Variants in AKAP13 observed in about 807,000 individuals in gnomAD.
AKAP13 encodes the protein A-kinase anchoring protein 13, also known as A-kinase anchor protein 13.
Under a neutral mutation model 264.5 loss-of-function variants are expected in AKAP13, and 80 were observed. That is an observed-to-expected ratio of 0.30 (90% CI 0.25 to 0.36). AKAP13 has a LOEUF of 0.36. Ranked by LOEUF, AKAP13 falls within the 10% of genes least tolerant of loss-of-function variation. AKAP13 has a pLI of 1.00. For synonymous variants in AKAP13, 1,380 were observed against 1,250.2 expected (o/e 1.10, Z -2.19); for missense variants, 3,712 against 3,435.2 (o/e 1.08, Z -2.01).
intron 15 of AKAP13, 124 bp from the exon 16 acceptor site, chr15:85,684,617 C>G: frequency 1.0e-6 from 1 of 992,352 alleles, no homozygotes; most frequent in Non-Finnish European, 1.4e-6. Context: ...ATAACAGAAC[C>G]TGGGCGTTGT....
chr15:85,660,578 G>T lies in AKAP13; in HGVS notation c.4799+1988G>T, dbSNP rs889913645. 2.6e-5 allele frequency among the ~76,000 whole-genome samples: 4 copies of T among 152,238 alleles called. No homozygotes were observed. In the South Asian group the frequency reaches 8.3e-4, roughly 32 times the overall value. ...GCCACATTCTGTTTCTAAAAAAGAA[G>T]TTGGATATTTAGGTAAAAATATGCC... On this transcript the variant is annotated intron_variant, in intron 12 of 36. Coordinates refer to ENST00000394518, the MANE Select transcript of AKAP13 (RefSeq NM_007200.5).
At chr15:85,546,736 CTTT>C (rs575680934) in intron 5 of AKAP13, among the ~76,000 whole-genome samples, 1 of 141,106 alleles carries the variant, frequency 7.1e-6, no homozygotes, top group Non-Finnish European at 1.6e-5. Flanking sequence ...TGCTATCTTT[CTTT>C]TTTTTTTTTT....
chr15:85,522,466 G>A (rs1170525556), intron 3 of AKAP13, among the ~76,000 whole-genome samples: 7 of 152,076 alleles, frequency 4.6e-5, no homozygotes, highest in African/African-American at 7.2e-5. Context: ...TGGTGGAGAG[G>A]GATGTACCTG....
At chr15:85,440,974 T>TA (rs775330449) in intron 1 of AKAP13, among the ~76,000 whole-genome samples, 4 of 152,136 alleles carry the variant, frequency 2.6e-5, no homozygotes, top group Non-Finnish European at 5.9e-5. Flanking sequence ...AGAGAAACTC[T>TA]AAAAAAACAA....
At chr15:85,679,928 G>A (rs1319889997) in intron 14 of AKAP13, among the ~76,000 whole-genome samples, 4 of 152,094 alleles carry the variant, frequency 2.6e-5, no homozygotes, top group African/African-American at 9.7e-5. Context: ...AGGCATTGGT[G>A]GATTAATTAC....
At chr15:85,589,117 T>C (rs1001288097) in intron 8 of AKAP13, among the ~76,000 whole-genome samples, 7 of 152,206 alleles carry the variant, frequency 4.6e-5, no homozygotes, top group African/African-American at 1.7e-4. Context: ...ACTTGCCTTA[T>C]TTGCTGTGAG....
chr15:85,607,503 G>T lies in AKAP13; in HGVS notation c.4161+21680G>T, dbSNP rs187642093. Among the ~76,000 whole-genome samples the T allele has an allele frequency of 5.5e-3, 829 of 151,372 alleles. 5 individuals carry two copies. The highest frequency in any genetic ancestry group is 9.0e-3 in the Non-Finnish European group (611 of 67,826). On this transcript the variant is annotated intron_variant, in intron 8 of 36. Transcript: ENST00000394518. ...TTGCCTTTATTTTTATCCCCATTTTGTAGGTGAGAAACTGAGGAACAGAAA... is the reference window on the plus strand; with the variant it reads ...TTGCCTTTATTTTTATCCCCATTTTTTAGGTGAGAAACTGAGGAACAGAAA...
intron 13 of AKAP13, among the ~76,000 whole-genome samples, chr15:85,667,940 G>T (rs1301124166): frequency 4.6e-5 from 7 of 152,148 alleles, no homozygotes; most frequent in Non-Finnish European, 1.0e-4. Context: ...TTTCTGAAGT[G>T]GACTTTCTGA....
intron 1 of AKAP13, among the ~76,000 whole-genome samples, chr15:85,413,372 T>C (rs2072076711): frequency 6.6e-6 from 1 of 152,230 alleles, no homozygotes; most frequent in Admixed American, 6.5e-5. Flanking sequence ...GGAGAGATTT[T>C]TCAGGATGGC....
In AKAP13 at chr15:85,743,703, C is replaced by T. The variant is rs1402734996; in HGVS notation, c.8270C>T (p.Pro2757Leu). 9 of 1,613,988 alleles carry T rather than the reference C, an allele frequency of 5.6e-6. 1 individual carries two copies. Among genetic ancestry groups the T allele is most frequent in the African/African-American group, 1.3e-5 (1 of 74,888 alleles). Residue 2757 changes from proline (P) to leucine (L), a missense_variant, in exon 36 of 37, where the codon CCA (proline) becomes CTA (leucine). Physicochemically the swap from Pro to Leu is moderately conservative, Grantham distance 98. Transcript: ENST00000394518. The stretch of plus-strand genomic sequence containing the variant: ...TCAACCAGCCAGACAAACAAAGGAC[C>T]AGAAGGGCAGAGCCAGGCCCCTGCG... ...LSSTSQTNKGPEGQSQAPAST... is the reference protein window; with the variant it reads ...LSSTSQTNKGLEGQSQAPAST...
intron 5 of AKAP13, among the ~76,000 whole-genome samples, chr15:85,568,093 G>C (rs757512210): frequency 6.6e-6 from 1 of 151,962 alleles, no homozygotes; most frequent in African/African-American, 2.4e-5. Flanking sequence ...TTAAGTCCAG[G>C]AGTTCACGAC....
intron 1 of AKAP13, among the ~76,000 whole-genome samples, chr15:85,479,866 G>T (rs867787765): frequency 5.9e-5 from 9 of 152,124 alleles, no homozygotes; most frequent in African/African-American, 2.2e-4. Context: ...TGATGTTAAT[G>T]TACATCTGGA....
chr15:85,429,158 C>T (rs1385266340), intron 1 of AKAP13, among the ~76,000 whole-genome samples: 1 of 152,214 alleles, frequency 6.6e-6, no homozygotes, highest in Non-Finnish European at 1.5e-5. Flanking sequence ...CTAACTACTA[C>T]CATTTTTCTA....
intron 8 of AKAP13, chr15:85,620,220 T>G: frequency 1.3e-6 from 2 of 1,524,224 alleles, no homozygotes; most frequent in Non-Finnish European, 1.8e-6. Flanking sequence ...CAGGCTGTTT[T>G]AGCGCTTTGA....
intron 1 of AKAP13, among the ~76,000 whole-genome samples, chr15:85,397,540 G>A (rs7164911): frequency 0.52 from 79,159 of 151,932 alleles, 21,166 homozygotes; most frequent in African/African-American, 0.59. Context: ...TGAAATCTGC[G>A]GGGACAAGTT....
intron 35 of AKAP13, 148 bp from the exon 36 acceptor site, chr15:85,743,344 C>A (rs2089197563): frequency 9.5e-6 from 7 of 738,142 alleles, no homozygotes; most frequent in Non-Finnish European, 1.3e-5. Context: ...AAGCTCTATG[C>A]AGTCCACAGA....
intron 17 of AKAP13, among the ~76,000 whole-genome samples, chr15:85,704,407 C>A (rs2086111188): frequency 6.6e-6 from 1 of 152,130 alleles, no homozygotes; most frequent in Non-Finnish European, 1.5e-5. Flanking sequence ...AGATAAAAAA[C>A]ACATAGTATA....
At chr15:85,675,861 A>G (rs184477201) in intron 14 of AKAP13, among the ~76,000 whole-genome samples, 110 of 152,166 alleles carry the variant, frequency 7.2e-4, no homozygotes, top group Admixed American at 1.8e-3. Flanking sequence ...TGATTAGAAC[A>G]CTTCAGGCTG....
intron 17 of AKAP13, among the ~76,000 whole-genome samples, chr15:85,704,651 AT>A (rs2086126820): frequency 6.6e-6 from 1 of 152,206 alleles, no homozygotes; most frequent in South Asian, 2.1e-4. Context: ...TTTTTGAAGA[AT>A]TTTAAAAAAT....
Sources: allele counts gnomAD v4.1 joint callset (sites outside exome capture counted in the v4.1 genomes callset), GRCh38; gene constraint gnomAD v4.1.1; transcripts MANE v1.5; gene names NCBI Gene and HGNC (gene_info 2026-07-23, HGNC 2026-07-21).